The following RSU1 variants were observed in gnomAD, a reference collection of about 807,000 sequenced individuals.
The protein encoded by RSU1 is Ras suppressor protein 1, also known as rsu-1.
Under a neutral mutation model 31.1 loss-of-function variants are expected in RSU1, and 26 were observed. That is an observed-to-expected ratio of 0.84 (90% confidence interval 0.61 to 1.16). The LOEUF is 1.16. Ranked by LOEUF, RSU1 falls within the 50% of genes most tolerant of loss-of-function variation. RSU1 has a pLI of 0.00. For synonymous variants in RSU1, 164 were observed against 136.3 expected, an observed-to-expected ratio of 1.20 and a Z score of -1.41; for missense variants, 320 against 339.1, an observed-to-expected ratio of 0.94 and a Z score of 0.44.
At chr10:16,719,266 C>A (rs1460081599) in intron 7 of RSU1, among the ~76,000 whole-genome samples, 1 of 152,194 alleles carries the variant, frequency 6.6e-6, no homozygotes, top group Admixed American at 6.5e-5. Flanking sequence ...TAGGACCGCA[C>A]CACTGCACTC....
intron 8 of RSU1, 41 bp from the exon 9 acceptor site, chr10:16,593,537 C>A: frequency 6.7e-7 from 1 of 1,482,722 alleles, no homozygotes. Context: ...TCTATTTTGC[C>A]AACACAAGAT....
At chr10:16,664,954 T>C (rs1472328148) in intron 8 of RSU1, among the ~76,000 whole-genome samples, 2 of 152,166 alleles carry the variant, frequency 1.3e-5, no homozygotes, top group Non-Finnish European at 2.9e-5. Flanking sequence ...TCTTTCTTCT[T>C]TTTTTCTGAG....
chr10:16,817,248 A>T, intron 1 of RSU1, 67 bp downstream of exon 1: 7 of 253,268 alleles, frequency 2.8e-5, no homozygotes, highest in East Asian at 1.2e-4. Flanking sequence ...ATGGAGTGGG[A>T]AGGGTTCAGC....
intron 2 of RSU1, among the ~76,000 whole-genome samples, chr10:16,785,535 T>A (rs909870693): frequency 2.1e-5 from 3 of 146,290 alleles, no homozygotes; most frequent in African/African-American, 7.8e-5. Context: ...TAATATTAGT[T>A]CTTTCCCTCT....
At chr10:16,643,430 A>G (rs1427266932) in intron 8 of RSU1, among the ~76,000 whole-genome samples, 1 of 152,228 alleles carries the variant, frequency 6.6e-6, no homozygotes, top group East Asian at 1.9e-4. Flanking sequence ...CTTTATTTAT[A>G]ATAATGAATG....
chr10:16,759,770 C>T (rs766520835), intron 4 of RSU1, among the ~76,000 whole-genome samples: 2 of 152,150 alleles, frequency 1.3e-5, no homozygotes, highest in Non-Finnish European at 2.9e-5. Flanking sequence ...GAATTGAGAA[C>T]AGAACTAAAC....
intron 7 of RSU1, among the ~76,000 whole-genome samples, chr10:16,730,873 C>T (rs1434470496): frequency 1.3e-5 from 2 of 152,054 alleles, no homozygotes; most frequent in African/African-American, 4.8e-5. Context: ...GCCCAGACTG[C>T]AGTGCAATGG....
intron 8 of RSU1, among the ~76,000 whole-genome samples, chr10:16,607,971 C>T (rs1270959416): frequency 6.6e-6 from 1 of 152,156 alleles, no homozygotes; most frequent in Admixed American, 6.5e-5. Context: ...GCTGGGATTA[C>T]AGGCACATAC....
Position 16,678,690 on chromosome 10 carries a change from T to G in RSU1, c.731+16333A>C, listed in dbSNP as rs117014903. Among the ~76,000 whole-genome samples the G allele has an allele frequency of 3.7e-4, 57 of 152,280 alleles. No individual in the cohort carries two copies. In the East Asian group the frequency reaches 7.3e-3, roughly 20 times the overall value. ...AATAATCTTTTCAATAGTGAATACA[T>G]GTGAAAATAGGACATTCAATAGGTA... On this transcript the variant is annotated intron_variant, in intron 8 of 8. Transcript: ENST00000345264.
At chr10:16,594,824 G>A (rs1833584569) in intron 8 of RSU1, among the ~76,000 whole-genome samples, 1 of 130,726 alleles carries the variant, frequency 7.6e-6, no homozygotes, top group African/African-American at 2.9e-5. Context: ...CTATTGTGTT[G>A]CCCAGGCTGG....
At chr10:16,776,174 G>C (rs914972601) in intron 3 of RSU1, among the ~76,000 whole-genome samples, 3 of 152,128 alleles carry the variant, frequency 2.0e-5, no homozygotes, top group African/African-American at 7.2e-5. Context: ...AATCTATTAT[G>C]TCTGCATAAA....
chr10:16,770,005 C>T (rs1837391014), intron 3 of RSU1, among the ~76,000 whole-genome samples: 2 of 152,156 alleles, frequency 1.3e-5, no homozygotes, highest in African/African-American at 4.8e-5. Context: ...AATTAAGTCA[C>T]TCAGTGGCAA....
chr10:16,739,465 C>CT lies in RSU1; in HGVS notation c.598+13073_598+13074insA, dbSNP rs1564339586. ...ATTTGCAAGAAATGTACATTTTCTT[C>CT]CTTTTTTTTTTTTTTTTTTTTTTGA... On this transcript the variant is annotated intron_variant, in intron 7 of 8. Transcript: ENST00000345264. 7.8e-4 allele frequency among the ~76,000 whole-genome samples: 88 copies of CT among 112,402 alleles called. No individual in the cohort carries two copies. In the East Asian group the frequency reaches 0.022, roughly 28 times the overall value. 73.7% of individuals were successfully genotyped at this position (112,402 alleles called of 152,430 possible). A position where few individuals can be genotyped will look rare whatever the true frequency, so the allele number is the denominator to read the frequency against.
intron 8 of RSU1, among the ~76,000 whole-genome samples, chr10:16,606,460 C>T (rs953813689): frequency 1.3e-5 from 2 of 151,770 alleles, no homozygotes; most frequent in African/African-American, 4.9e-5. Context: ...GTTTTCTTCC[C>T]TTTGTTGGAA....
intron 2 of RSU1, among the ~76,000 whole-genome samples, chr10:16,808,513 G>T (rs1838328931): frequency 6.8e-6 from 1 of 146,334 alleles, no homozygotes; most frequent in South Asian, 2.2e-4. Flanking sequence ...AAAACAAAGT[G>T]AACTCCGTTT....
At chr10:16,618,322 A>G (rs1158859446) in intron 8 of RSU1, among the ~76,000 whole-genome samples, 1 of 152,228 alleles carries the variant, frequency 6.6e-6, no homozygotes, top group Non-Finnish European at 1.5e-5. Flanking sequence ...AAAGTCAGGG[A>G]ACAACAGATG....
At chr10:16,620,970 G>C (rs1183576416) in intron 8 of RSU1, among the ~76,000 whole-genome samples, 1 of 152,102 alleles carries the variant, frequency 6.6e-6, no homozygotes, top group East Asian at 1.9e-4. Flanking sequence ...GGTGCAGAGA[G>C]ACTCTAAAAA....
chr10:16,812,352 G>C (rs1446702092), intron 2 of RSU1, among the ~76,000 whole-genome samples: 1 of 152,206 alleles, frequency 6.6e-6, no homozygotes, highest in East Asian at 1.9e-4. Context: ...TGAGGCAGGA[G>C]AATCGCTTGA....
At chr10:16,670,930 A>G (rs190282296) in intron 8 of RSU1, among the ~76,000 whole-genome samples, 39 of 151,994 alleles carry the variant, frequency 2.6e-4, no homozygotes, top group African/African-American at 9.4e-4. Context: ...ACGCCCGGCT[A>G]ATTTTTTGTA....
Sources: allele counts gnomAD v4.1 joint callset (sites outside exome capture counted in the v4.1 genomes callset), GRCh38; gene constraint gnomAD v4.1.1; transcripts MANE v1.5; gene names NCBI Gene and HGNC (gene_info 2026-07-23, HGNC 2026-07-21).